PTPRS: variants seen among roughly 807,000 people sequenced by gnomAD.
PTPRS encodes protein tyrosine phosphatase receptor type S, also known as receptor-type tyrosine-protein phosphatase S.
Under a neutral mutation model 215.3 loss-of-function variants are expected in PTPRS, and 63 were observed. The ratio of observed to expected loss-of-function variants is 0.29; its 90% CI spans 0.24 to 0.36. The LOEUF (loss-of-function observed/expected upper bound fraction) is 0.36, where lower values mean the gene tolerates loss of function less well. Among genes scored for constraint, PTPRS ranks in the 10% least tolerant of loss-of-function variants. The pLI is 1.00. For missense variants in PTPRS, 2,258 were observed against 2,825.8 expected (o/e 0.80, Z 4.56); for synonymous variants, 1,404 against 1,191.4 (o/e 1.18, Z -3.68).
At chr19:5,215,655 G>T in intron 26 of PTPRS, 60 bp from the exon 27 acceptor site, 1 of 1,188,706 alleles carries the variant, frequency 8.4e-7, no homozygotes, top group South Asian at 1.4e-5. Flanking sequence ...CGGGGACTCG[G>T]GGGAGGGGGG....
intron 1 of PTPRS, among the ~76,000 whole-genome samples, chr19:5,310,786 G>A (rs1600097210): frequency 2.0e-5 from 3 of 152,072 alleles, no homozygotes; most frequent in African/African-American, 7.2e-5. Flanking sequence ...GCTCACTGCA[G>A]CCTTGAACTC....
intron 2 of PTPRS, among the ~76,000 whole-genome samples, chr19:5,285,681 C>A (rs1165559779): frequency 2.0e-5 from 3 of 152,178 alleles, no homozygotes; most frequent in Non-Finnish European, 2.9e-5. Context: ...CTCGTTTTCC[C>A]TCATTGGGAA....
At position 5,206,367 on chromosome 19, in the gene PTPRS, G is replaced by C. The variant is rs1441965744; in HGVS notation, c.*407C>G. On this transcript the variant is annotated 3_prime_UTR_variant, in exon 38 of 38. Coordinates refer to ENST00000262963, the MANE Select transcript of PTPRS (RefSeq NM_002850.4). Reference sequence around the variant, plus strand: ...TTCTGGTCCCAGCCCAGTGTCCCCAGGCTGCAGAGCGGGGAGGAGCCCCCC... The same window carrying C: ...TTCTGGTCCCAGCCCAGTGTCCCCACGCTGCAGAGCGGGGAGGAGCCCCCC... 1.2e-5 allele frequency: 3 copies of C among 240,656 alleles called. No individual in the cohort carries two copies. Among genetic ancestry groups the C allele is most frequent in the African/African-American group, 6.6e-5 (3 of 45,160 alleles). 14.9% of individuals were successfully genotyped at this position (240,656 alleles called of 1,614,324 possible).
chr19:5,285,686 T>A (rs1322669393), intron 2 of PTPRS, among the ~76,000 whole-genome samples: 6 of 152,118 alleles, frequency 3.9e-5, no homozygotes, highest in African/African-American at 1.4e-4. Context: ...TTTCCCTCAT[T>A]GGGAAACGTG....
At position 5,294,184 on chromosome 19, in the gene PTPRS, A is replaced by C. The variant is rs1455069864; in HGVS notation, c.-94-7950T>G. On this transcript the variant is annotated intron_variant, in intron 1 of 37. Coordinates refer to ENST00000262963, the MANE Select transcript of PTPRS (RefSeq NM_002850.4). This position sits in a 1 kb window ranked among gnomAD's most constrained non-coding sequence, Gnocchi z 5.1. ...GGACGAAGCCCGAACGCCAACGCCAACGGGATGTCCTGGGCGCTCAGCTGC... is the reference window on the plus strand; with the variant it reads ...GGACGAAGCCCGAACGCCAACGCCACCGGGATGTCCTGGGCGCTCAGCTGC... 6.6e-6 allele frequency: 1 copy of C among 152,300 alleles called. No homozygotes were observed. Among genetic ancestry groups the C allele is most frequent in the East Asian group, 1.9e-4 (1 of 5,194 alleles). The allele number at this position is 152,300 out of a possible 1,614,324, so 9.4% of individuals were successfully genotyped here. A position where few individuals can be genotyped will look rare whatever the true frequency, so the allele number is the denominator to read the frequency against.
intron 9 of PTPRS, among the ~76,000 whole-genome samples, chr19:5,252,574 C>CAAA (rs56215560): frequency 7.5e-5 from 5 of 66,790 alleles, no homozygotes; most frequent in African/African-American, 2.7e-4. Flanking sequence ...GAGATTCTGT[C>CAAA]AAAAAAAAAA....
intron 1 of PTPRS, among the ~76,000 whole-genome samples, chr19:5,307,506 ATTT>A (rs1456979110): frequency 6.6e-6 from 1 of 152,134 alleles, no homozygotes; most frequent in Non-Finnish European, 1.5e-5. Flanking sequence ...AAGATACTAT[ATTT>A]TTAAGTGGGG....
chr19:5,222,300 G>T, intron 18 of PTPRS, 80 bp from the exon 19 acceptor site: 1 of 1,237,222 alleles, frequency 8.1e-7, no homozygotes, highest in South Asian at 1.2e-5. Flanking sequence ...GTGAAGCGGG[G>T]TGGGGTGGGG....
At chr19:5,336,028 A>AG (rs958182065) in intron 1 of PTPRS, among the ~76,000 whole-genome samples, 10 of 150,940 alleles carry the variant, frequency 6.6e-5, no homozygotes, top group Non-Finnish European at 1.5e-4. Context: ...AAAAAAAAAA[A>AG]AGAGAGAGAC....
chr19:5,282,676 G>A (rs545510536), intron 2 of PTPRS, among the ~76,000 whole-genome samples: 78 of 152,044 alleles, frequency 5.1e-4, no homozygotes, highest in African/African-American at 1.8e-3. Context: ...GGTGGTACAC[G>A]CCTGTAATCC....
rs1373056809 is a variant in PTPRS at position 5,340,741 on chromosome 19, C to A, written c.-172G>T. 2.0e-5 allele frequency: 3 copies of A among 150,228 alleles called. No homozygotes were observed. The highest frequency in any genetic ancestry group is 2.0e-4 in the Admixed American group (3 of 15,102). The allele number at this position is 150,228 out of a possible 1,614,324, so 9.3% of individuals were successfully genotyped here. On this transcript the variant is annotated 5_prime_UTR_variant, in exon 1 of 38. Coordinates refer to ENST00000262963, the MANE Select transcript of PTPRS (RefSeq NM_002850.4). ...GCTGTTGCATGGGATCCGAGCGGAG[C>A]CCGAGCGCCAGCGGCTCGCGGCGTG...
chr19:5,234,541 A>G (rs1288498973), intron 13 of PTPRS, among the ~76,000 whole-genome samples: 1 of 152,206 alleles, frequency 6.6e-6, no homozygotes, highest in Non-Finnish European at 1.5e-5. Context: ...TTGAACATCT[A>G]CTATGGACTG....
chr19:5,209,829 TTGC>T (rs1171463377), intron 35 of PTPRS, among the ~76,000 whole-genome samples: 2 of 152,166 alleles, frequency 1.3e-5, no homozygotes, highest in African/African-American at 4.8e-5. Context: ...TGCCCGGTGA[TTGC>T]TGTTCATTCA....
At position 5,257,118 on chromosome 19, in the gene PTPRS, T is replaced by C. The variant is rs1382595872; in HGVS notation, c.706+899A>G. Among the ~76,000 whole-genome samples the C allele has an allele frequency of 1.3e-5, 2 of 149,502 alleles. No homozygotes were observed. The highest frequency in any genetic ancestry group is 4.9e-5 in the African/African-American group (2 of 40,506). Reference sequence around the variant, plus strand: ...GGAGGAGGAGGAAGACTACAACTTCTGAAAAGACCCAAGAGCCAACACACG... The same window carrying C: ...GGAGGAGGAGGAAGACTACAACTTCCGAAAAGACCCAAGAGCCAACACACG... On this transcript the variant is annotated intron_variant, in intron 8 of 37. Transcript: ENST00000262963. This position sits in a 1 kb window ranked among gnomAD's most constrained non-coding sequence, Gnocchi z 4.4.
rs1210060268 is a variant in PTPRS, at chr19:5,229,505, G to A, written c.2335C>T (p.Leu779=). The change falls in exon 15 of 38, where the codon CTG becomes TTG. Residue 779 remains leucine, a synonymous_variant. Transcript: ENST00000262963. ...RGPPRIKDVM[L]ADAQWETDDT... ...CCCCCGCCCACCTGGGCATCGGCCA[G>A]CATGACGTCCTTGATGCGCGGCGGC... The A allele has an allele frequency of 1.4e-6, 2 of 1,458,940 alleles. No homozygotes were observed. The highest frequency in any genetic ancestry group is 2.8e-5 in the Admixed American group (1 of 36,196). 90.4% of individuals were successfully genotyped at this position (1,458,940 alleles called of 1,614,324 possible).
At chr19:5,224,331 G>A (rs58565040) in intron 17 of PTPRS, among the ~76,000 whole-genome samples, 18,624 of 151,306 alleles carry the variant, frequency 0.12, 1,595 homozygotes, top group African/African-American at 0.24. Context: ...GGCTAGGGGC[G>A]CATAAAGCAC....
At chr19:5,236,862 A>C (rs1191340975) in intron 13 of PTPRS, among the ~76,000 whole-genome samples, 4 of 151,214 alleles carry the variant, frequency 2.6e-5, no homozygotes, top group Non-Finnish European at 5.9e-5. Context: ...AAAAAAAAAA[A>C]AAACAACAAT....
At chr19:5,240,606 G>A (rs542446807) in intron 11 of PTPRS, among the ~76,000 whole-genome samples, 6 of 152,042 alleles carry the variant, frequency 3.9e-5, no homozygotes, top group African/African-American at 1.2e-4. Flanking sequence ...TTAGGAGGCC[G>A]AGGCGGGCAG....
At chr19:5,215,151 A>C (rs2145154379) in intron 28 of PTPRS, 138 bp downstream of exon 28, 2 of 1,112,872 alleles carry the variant, frequency 1.8e-6, no homozygotes, top group Non-Finnish European at 2.6e-6. Context: ...ATATCTAAAG[A>C]TGCCCAGTGG....
Sources: gnomAD v4.1 joint callset for allele counts (sites outside exome capture counted in the v4.1 genomes callset) on GRCh38, gnomAD v4.1.1 for gene constraint, Gnocchi (gnomAD v3.1) non-coding constraint, MANE v1.5 for transcripts, NCBI Gene and HGNC (gene_info 2026-07-23, HGNC 2026-07-21) for gene names.